Variants in COL12A1 observed in about 807,000 individuals in gnomAD.
The protein encoded by COL12A1 is collagen type XII alpha 1 chain.
COL12A1 carries 114 observed loss-of-function variants against 349.7 expected under a neutral mutation model. The ratio of observed to expected loss-of-function variants is 0.33; its 90% CI spans 0.28 to 0.38. COL12A1 has a LOEUF of 0.38. COL12A1 is among the 10% of genes least tolerant of loss of function. The probability of loss-of-function intolerance (pLI) is 1.00; values close to 1 mark genes in which losing one functional copy is unlikely to be tolerated. For missense variants in COL12A1, 3,284 were observed against 3,756.9 expected (o/e 0.87, Z 3.29); for synonymous variants, 1,369 against 1,329.0 (o/e 1.03, Z -0.66).
At position 75,109,128 on chromosome 6, in the gene COL12A1, T is replaced by C. The variant is rs41266763; in HGVS notation, c.7990A>G (p.Ile2664Val). 1.6e-4 allele frequency: 253 copies of C among 1,603,928 alleles called. No homozygotes were observed. The African/African-American group carries it at 2.9e-3, about 18-fold the overall frequency. ...TTTTCTATAATTTCATAGCAGTCAA[T>C]GTAAATCTTAACACTTTTTGAGGTC... is the stretch of plus-strand genomic sequence containing the variant. ...VVTSKSVKIY[I>V]DCYEIIEKDI... is the part of the protein sequence containing the mutation. Residue 2664 changes from isoleucine (I) to valine (V), a missense_variant, in exon 52 of 66, where the codon ATT becomes GTT. Around this residue, in one of 2 missense-constraint regions of COL12A1, gnomAD observed 683 missense variants for 932.1 expected, o/e 0.73. Transcript: ENST00000322507.
Position 75,090,161 on chromosome 6 carries a change from G to GC in COL12A1, c.8889dup (p.Arg2964AlafsTer25), listed in dbSNP as rs1562090500. ...CCTGGTGTGCCCGGGAAGCCTGGCC[G>GC]CCCCCCAGGCCCAGGTTCTCCTCTG... On this transcript the variant is annotated frameshift_variant, in exon 63 of 66. Coordinates refer to ENST00000322507, the MANE Select transcript of COL12A1 (RefSeq NM_004370.6). LOFTEE classifies it high-confidence loss of function. This position sits in a 1 kb window ranked among gnomAD's most constrained non-coding sequence, Gnocchi z 4.1. 1.2e-6 allele frequency: 2 copies of GC among 1,613,876 alleles called. No homozygotes were observed. The highest frequency in any genetic ancestry group is 2.2e-5 in the East Asian group (1 of 44,846).
chr6:75,170,293 A>G (rs1479262323), intron 13 of COL12A1, among the ~76,000 whole-genome samples: 2 of 152,232 alleles, frequency 1.3e-5, no homozygotes, highest in African/African-American at 2.4e-5. Flanking sequence ...TAGAAGTTAA[A>G]TTGAAAATGT....
chr6:75,130,371 G>A, intron 36 of COL12A1, 138 bp from the exon 37 acceptor site: 2 of 892,012 alleles, frequency 2.2e-6, no homozygotes, highest in Non-Finnish European at 3.3e-6. Context: ...TACATTTATG[G>A]TTTTAATGTG....
At chr6:75,106,236 G>A (rs905811532) in intron 53 of COL12A1, among the ~76,000 whole-genome samples, 183 bp downstream of exon 53, 2 of 152,164 alleles carry the variant, frequency 1.3e-5, no homozygotes, top group African/African-American at 4.8e-5. Flanking sequence ...TTACCAGCTT[G>A]TGAGGGAGGG....
intron 5 of COL12A1, 85 bp from the exon 6 acceptor site, chr6:75,189,900 C>G: frequency 7.0e-7 from 1 of 1,422,228 alleles, no homozygotes; most frequent in Non-Finnish European, 9.6e-7. Context: ...ATGTTGGCTC[C>G]TTAAATCATT....
intron 38 of COL12A1, among the ~76,000 whole-genome samples, chr6:75,126,830 A>G (rs996552765): frequency 6.6e-6 from 1 of 152,132 alleles, no homozygotes; most frequent in African/African-American, 2.4e-5. Context: ...AAAGCAATTT[A>G]GAAACTATCT....
Position 75,137,556 on chromosome 6 carries a change from G to A in COL12A1, c.5275C>T (p.Leu1759Phe). Residue 1759 changes from leucine (L) to phenylalanine (F), a missense_variant, in exon 31 of 66, where the codon CTT (leucine) becomes TTT (phenylalanine). Coordinates refer to ENST00000322507, the MANE Select transcript of COL12A1 (RefSeq NM_004370.6). ...TTAGATGTTGCATTGTACACTTGAA[G>A]GTTTCGTGGGCCACTTTTGGGAGCT... ...TQAPKSGPRNLQVYNATSNSL... is the reference protein window; with the variant it reads ...TQAPKSGPRNFQVYNATSNSL... 3 of 1,613,716 alleles carry A rather than the reference G, an allele frequency of 1.9e-6. No individual in the cohort carries two copies. The highest frequency in any genetic ancestry group is 2.5e-6 in the Non-Finnish European group (3 of 1,179,848).
chr6:75,126,384 C>G lies in COL12A1; in HGVS notation c.6427G>C (p.Val2143Leu), dbSNP rs186836845. Reference protein sequence around the residue: ...RVSWDPSPSPVLGYKIVYKPV... With the variant: ...RVSWDPSPSPLLGYKIVYKPV... ...TTATATACTATTTTATATCCAAGAA[C>G]TGGAGAAGGTGAAGGATCCCAGGAC... The change falls in exon 39 of 66, where the codon GTT becomes CTT. Residue 2143 changes from valine to leucine, a missense_variant. Physicochemically the swap from Val to Leu is conservative, Grantham distance 32. This residue lies in a region of COL12A1 where 2,601 missense variants were observed against 2,824.8 expected (regional missense o/e 0.92). Coordinates refer to ENST00000322507, the MANE Select transcript of COL12A1 (RefSeq NM_004370.6). The G allele has an allele frequency of 1.8e-5, 29 of 1,611,314 alleles. No individual in the cohort carries two copies. The South Asian group carries it at 2.7e-4, about 15-fold the overall frequency.
At chr6:75,192,413 A>C in intron 3 of COL12A1, 58 bp from the exon 4 acceptor site, 2 of 1,428,286 alleles carry the variant, frequency 1.4e-6, no homozygotes, top group Non-Finnish European at 1.9e-6. Flanking sequence ...CATATAACAC[A>C]ATACATTGTA....
intron 43 of COL12A1, among the ~76,000 whole-genome samples, chr6:75,122,793 A>G (rs1315354855): frequency 6.6e-6 from 1 of 152,260 alleles, no homozygotes; most frequent in East Asian, 1.9e-4. Flanking sequence ...AAAGTGCTAG[A>G]GAATTGCCCT....
rs1036859819 is a variant in COL12A1, at chr6:75,134,997, A to C, written c.5395-142T>G. The C allele has an allele frequency of 1.2e-5, 9 of 735,164 alleles. No homozygotes were observed. In the African/African-American group the frequency reaches 1.2e-4, roughly 10 times the overall value. 45.5% of individuals were successfully genotyped at this position (735,164 alleles called of 1,614,324 possible). On this transcript the variant is annotated intron_variant, in intron 31 of 65. Transcript: ENST00000322507. ...ACATACCACAGTCAAGGTTTAACAT[A>C]CACCTTGTGGTATAACTTCAAATGT...
intron 48 of COL12A1, 30 bp from the exon 49 acceptor site, chr6:75,115,952 G>C (rs762640087): frequency 1.9e-6 from 3 of 1,612,132 alleles, no homozygotes; most frequent in Non-Finnish European, 2.5e-6. Flanking sequence ...ATATTAAACG[G>C]AGTACATTTT....
At chr6:75,166,943 C>T (rs1484687784) in intron 13 of COL12A1, among the ~76,000 whole-genome samples, 1 of 151,954 alleles carries the variant, frequency 6.6e-6, no homozygotes, top group African/African-American at 2.4e-5. Flanking sequence ...CCTACCAGAC[C>T]CCAAGCCCAA....
intron 14 of COL12A1, among the ~76,000 whole-genome samples, chr6:75,157,108 A>G (rs1469212830): frequency 6.6e-6 from 1 of 152,172 alleles, no homozygotes; most frequent in African/African-American, 2.4e-5. Context: ...AGAAAGCACT[A>G]TCTGTAAATA....
intron 52 of COL12A1, 149 bp downstream of exon 52, chr6:75,108,869 T>G (rs897793761): frequency 7.5e-5 from 57 of 764,716 alleles, no homozygotes; most frequent in Admixed American, 2.0e-4. Context: ...TCAATGTACT[T>G]CTTCCAATGT....
chr6:75,173,376 T>C (rs1377645093), intron 13 of COL12A1, among the ~76,000 whole-genome samples: 1 of 152,010 alleles, frequency 6.6e-6, no homozygotes, highest in Non-Finnish European at 1.5e-5. Flanking sequence ...ATCACTATTA[T>C]TATTATTTTT....
In COL12A1 at chr6:75,133,944, A is replaced by G. The variant is rs761735433; in HGVS notation, c.5578T>C (p.Leu1860=). The G allele has an allele frequency of 7.4e-6, 12 of 1,613,948 alleles. No homozygotes were observed. Among genetic ancestry groups the G allele is most frequent in the Non-Finnish European group, 9.3e-6 (11 of 1,179,976 alleles). ...TCTGCATGGTCCCAGCGGACATTCA[A>G]GGTGCTGGTAGAAGGGTCATACACT... is the stretch of plus-strand genomic sequence containing the variant. The part of the protein sequence containing the change: ...LRVYDPSTST[L]NVRWDHAEGN... Residue 1860 remains leucine (L), a synonymous_variant, in exon 33 of 66, where the codon TTG becomes CTG. Transcript: ENST00000322507.
rs199945254 is a variant in COL12A1 at position 75,119,033 on chromosome 6, A to T, written c.7354+10T>A. Reference sequence around the variant, plus strand: ...ATTTCAAGTGCAATCAAATTCATGTATGTGCTTGCCTGACTGCTGGATGAC... The same window carrying T: ...ATTTCAAGTGCAATCAAATTCATGTTTGTGCTTGCCTGACTGCTGGATGAC... On this transcript the variant is annotated intron_variant, in intron 46 of 65. Transcript: ENST00000322507. 9.5e-5 allele frequency: 153 copies of T among 1,613,340 alleles called. 1 individual carries two copies. The African/African-American group carries it at 1.9e-3, about 20-fold the overall frequency.
chr6:75,157,441 G>GA lies in COL12A1; in HGVS notation c.2984-919dup, dbSNP rs201243585. ...CCATTTGAAACAATGAAGAAACCCA[G>GA]AAAAAAAAAAACCTAAGAAAAATAA... On this transcript the variant is annotated intron_variant, in intron 14 of 65. Coordinates refer to ENST00000322507, the MANE Select transcript of COL12A1 (RefSeq NM_004370.6). Among the ~76,000 whole-genome samples the GA allele has an allele frequency of 6.2e-3, 880 of 141,170 alleles. 5 individuals are homozygous for GA. The highest frequency in any genetic ancestry group is 0.019 in the African/African-American group (739 of 38,632). 92.6% of individuals were successfully genotyped at this position (141,170 alleles called of 152,430 possible).
Sources: gnomAD v4.1 joint callset for allele counts (sites outside exome capture counted in the v4.1 genomes callset) on GRCh38, gnomAD v4.1.1 for gene constraint, gnomAD v4.1.1 regional missense constraint, Gnocchi (gnomAD v3.1) non-coding constraint, MANE v1.5 for transcripts, NCBI Gene and HGNC (gene_info 2026-07-23, HGNC 2026-07-21) for gene names.